NEGR1: variants seen among roughly 807,000 people sequenced by gnomAD.
NEGR1 encodes IgLON family member 4.
A neutral mutation model predicts 40.9 loss-of-function variants in NEGR1; 10 were observed. That is an observed-to-expected ratio of 0.24 (90% CI 0.15 to 0.42). The LOEUF (loss-of-function observed/expected upper bound fraction) is 0.42, where lower values mean the gene tolerates loss of function less well. NEGR1 is among the 10% of genes least tolerant of loss of function. The probability of loss-of-function intolerance (pLI) is 1.00; values close to 1 mark genes in which losing one functional copy is unlikely to be tolerated. For missense variants in NEGR1, 352 were observed against 438.9 expected (o/e 0.80, Z 1.77); for synonymous variants, 185 against 166.8 (o/e 1.11, Z -0.84).
chr1:72,073,264 G>C (rs1208317888), intron 1 of NEGR1, among the ~76,000 whole-genome samples: 1 of 152,098 alleles, frequency 6.6e-6, no homozygotes, highest in Non-Finnish European at 1.5e-5. Flanking sequence ...ATGGGTGTCT[G>C]ACCTTCAGCA....
intron 6 of NEGR1, among the ~76,000 whole-genome samples, chr1:71,579,571 A>G (rs1649065564): frequency 6.6e-6 from 1 of 151,624 alleles, no homozygotes; most frequent in African/African-American, 2.4e-5. Flanking sequence ...AAGTTTTTTA[A>G]TACAAAATAC....
At chr1:71,685,803 A>T (rs7542031) in intron 4 of NEGR1, among the ~76,000 whole-genome samples, 2 of 152,166 alleles carry the variant, frequency 1.3e-5, no homozygotes, top group African/African-American at 2.4e-5. Flanking sequence ...TATCCAGATC[A>T]TTGGTATTCA....
intron 6 of NEGR1, among the ~76,000 whole-genome samples, chr1:71,538,152 C>A (rs1206651171): frequency 6.6e-6 from 1 of 151,482 alleles, no homozygotes; most frequent in Non-Finnish European, 1.5e-5. Context: ...GTAATTTTGG[C>A]CAGATAGAAG....
At chr1:72,256,788 T>C (rs1362974363) in intron 1 of NEGR1, among the ~76,000 whole-genome samples, 1 of 152,154 alleles carries the variant, frequency 6.6e-6, no homozygotes, top group Admixed American at 6.5e-5. Context: ...GAAATAAAAA[T>C]GGAATGTGCA....
chr1:71,461,988 C>T (rs1321306110), intron 6 of NEGR1, among the ~76,000 whole-genome samples: 3 of 152,080 alleles, frequency 2.0e-5, no homozygotes, highest in Admixed American at 2.0e-4. Flanking sequence ...GGATTCGAAC[C>T]CTGCTCTGTT....
chr1:71,830,594 A>G (rs2101789548), intron 2 of NEGR1, among the ~76,000 whole-genome samples: 1 of 152,110 alleles, frequency 6.6e-6, no homozygotes, highest in East Asian at 1.9e-4. Context: ...CATACCAGAT[A>G]TGTAAGTAAA....
chr1:71,901,457 A>G (rs2101863612), intron 2 of NEGR1, among the ~76,000 whole-genome samples: 1 of 152,172 alleles, frequency 6.6e-6, no homozygotes. Context: ...TCTAGCTTTT[A>G]CATTACATAT....
intron 4 of NEGR1, among the ~76,000 whole-genome samples, chr1:71,621,145 T>C (rs928810081): frequency 1.3e-5 from 2 of 151,936 alleles, no homozygotes; most frequent in Non-Finnish European, 1.5e-5. Context: ...TAAAAATTCA[T>C]TGCCTTGGCA....
chr1:71,609,790 TG>T lies in NEGR1; in HGVS notation c.788+1235del, dbSNP rs144214394. ...CATGACATAAGTAAATGATATTATT[TG>T]GAGGTGTCCCCACCCAAAATCTCAT... On this transcript the variant is annotated intron_variant, in intron 5 of 6. Transcript: ENST00000357731. Among the ~76,000 whole-genome samples, 1,231 of 152,312 alleles carry T rather than the reference TG, an allele frequency of 8.1e-3. 19 individuals carry two copies. Among genetic ancestry groups the T allele is most frequent in the African/African-American group, 0.028 (1,174 of 41,564 alleles).
intron 2 of NEGR1, among the ~76,000 whole-genome samples, chr1:71,819,947 T>C (rs904725989): frequency 3.8e-4 from 58 of 152,102 alleles, no homozygotes; most frequent in African/African-American, 1.3e-3. Context: ...AATTCCCTGA[T>C]AGCTCTCTGG....
At chr1:71,564,717 A>G (rs1316318068) in intron 6 of NEGR1, among the ~76,000 whole-genome samples, 2 of 152,124 alleles carry the variant, frequency 1.3e-5, no homozygotes, top group Non-Finnish European at 2.9e-5. Context: ...TTTTTATAAA[A>G]TTGTCAAAGC....
intron 1 of NEGR1, among the ~76,000 whole-genome samples, chr1:72,180,461 T>A (rs1269382288): frequency 6.7e-6 from 1 of 149,758 alleles, no homozygotes; most frequent in African/African-American, 2.4e-5. Flanking sequence ...CAAAAATAAA[T>A]AAATAGAATT....
At chr1:71,965,899 A>G (rs1646206078) in intron 1 of NEGR1, among the ~76,000 whole-genome samples, 1 of 152,174 alleles carries the variant, frequency 6.6e-6, no homozygotes, top group Non-Finnish European at 1.5e-5. Flanking sequence ...TTTAGACAGT[A>G]AAAGATTATA....
chr1:72,269,398 A>G (rs1655767346), intron 1 of NEGR1, among the ~76,000 whole-genome samples: 2 of 151,664 alleles, frequency 1.3e-5, no homozygotes, highest in African/African-American at 2.4e-5. Flanking sequence ...AGGGACTTGG[A>G]ATACTATAAC....
chr1:72,061,701 C>A (rs1346257660), intron 1 of NEGR1, among the ~76,000 whole-genome samples: 1 of 151,768 alleles, frequency 6.6e-6, no homozygotes, highest in Non-Finnish European at 1.5e-5. Flanking sequence ...AATATTCTCA[C>A]AGAAATTTCA....
intron 1 of NEGR1, among the ~76,000 whole-genome samples, chr1:72,259,381 T>A (rs1391382544): frequency 6.6e-6 from 1 of 152,196 alleles, no homozygotes; most frequent in Non-Finnish European, 1.5e-5. Flanking sequence ...CTTTATATGC[T>A]GTTTTACTCC....
chr1:72,254,940 G>A (rs1655217426), intron 1 of NEGR1, among the ~76,000 whole-genome samples: 1 of 151,762 alleles, frequency 6.6e-6, no homozygotes, highest in Non-Finnish European at 1.5e-5. Context: ...TACACACCCA[G>A]CTCAATAGAT....
chr1:71,662,098 C>A (rs1165184659), intron 4 of NEGR1, among the ~76,000 whole-genome samples: 1 of 152,148 alleles, frequency 6.6e-6, no homozygotes, highest in Non-Finnish European at 1.5e-5. Context: ...CTTAAGTGAG[C>A]AGGTTTTAGA....
At chr1:72,175,616 G>C (rs1652136100) in intron 1 of NEGR1, among the ~76,000 whole-genome samples, 1 of 152,002 alleles carries the variant, frequency 6.6e-6, no homozygotes, top group African/African-American at 2.4e-5. Context: ...TGAGGTAAAA[G>C]TGATGATTTA....
Sources: gnomAD v4.1 joint callset for allele counts (sites outside exome capture counted in the v4.1 genomes callset) on GRCh38, gnomAD v4.1.1 for gene constraint, MANE v1.5 for transcripts, NCBI Gene and HGNC (gene_info 2026-07-23, HGNC 2026-07-21) for gene names.